MGAT5: variants seen among roughly 807,000 people sequenced by gnomAD.
The protein encoded by MGAT5 is alpha-1,6-mannosylglycoprotein 6-beta-N-acetylglucosaminyltransferase.
Under a neutral mutation model 94.3 loss-of-function variants are expected in MGAT5, and 30 were observed. That is an observed-to-expected ratio of 0.32 (90% CI 0.24 to 0.43). The LOEUF is 0.43. Among genes scored for constraint, MGAT5 ranks in the 20% least tolerant of loss-of-function variants. The pLI, the probability that MGAT5 is intolerant of heterozygous loss-of-function variation, is 1.00. For missense variants in MGAT5, 691 were observed against 905.5 expected (o/e 0.76, Z 3.04); for synonymous variants, 310 against 322.9 (o/e 0.96, Z 0.43).
At chr2:134,299,614 A>T (rs762926960) in intron 2 of MGAT5, among the ~76,000 whole-genome samples, 2 of 152,154 alleles carry the variant, frequency 1.3e-5, no homozygotes, top group Non-Finnish European at 2.9e-5. Context: ...GGTAGTTAAA[A>T]TCCCCTCTTC....
intron 14 of MGAT5, among the ~76,000 whole-genome samples, chr2:134,429,015 G>A (rs1049109385): frequency 2.0e-5 from 3 of 152,210 alleles, no homozygotes; most frequent in South Asian, 4.1e-4. Flanking sequence ...GGAGCCTGTT[G>A]CTATCATTTT....
chr2:134,277,685 T>C (rs2105693769), intron 2 of MGAT5, among the ~76,000 whole-genome samples: 1 of 152,356 alleles, frequency 6.6e-6, no homozygotes, highest in South Asian at 2.1e-4. Flanking sequence ...AAGTCAGTAC[T>C]GTATGAGCAT....
chr2:134,339,003 C>T lies in MGAT5; in HGVS notation c.807+583C>T, dbSNP rs573051782. Among the ~76,000 whole-genome samples the T allele has an allele frequency of 2.4e-3, 365 of 152,290 alleles. 2 individuals are homozygous for T. Among genetic ancestry groups the T allele is most frequent in the African/African-American group, 8.3e-3 (346 of 41,570 alleles). On this transcript the variant is annotated intron_variant, in intron 6 of 15. Coordinates refer to ENST00000281923, the MANE Select transcript of MGAT5 (RefSeq NM_002410.5). ...ATTTGATGGTCTGGCTTTAGATTAA[C>T]TGTTCTGTTCTGATTTCAGAACTGA... is the stretch of plus-strand genomic sequence containing the variant.
chr2:134,277,837 A>G (rs915705332), intron 2 of MGAT5, among the ~76,000 whole-genome samples: 5 of 152,228 alleles, frequency 3.3e-5, no homozygotes, highest in Non-Finnish European at 7.3e-5. Context: ...ATAATTTTGT[A>G]TATAGTGTTT....
rs576141328 is a variant in MGAT5, at chr2:134,342,990, G to A, written c.977+1231G>A. 9.9e-5 allele frequency among the ~76,000 whole-genome samples: 15 copies of A among 152,262 alleles called. No homozygotes were observed. In the East Asian group the frequency reaches 2.3e-3, roughly 23 times the overall value. On this transcript the variant is annotated intron_variant, in intron 7 of 15. Coordinates refer to ENST00000281923, the MANE Select transcript of MGAT5 (RefSeq NM_002410.5). The stretch of plus-strand genomic sequence containing the variant: ...CTGGGATTGCAGAAAACTGAGTATC[G>A]TTTGTCACTGTGTAGTGGGCACCTA...
At chr2:134,152,685 C>G (rs1687281365) in intron 1 of MGAT5, among the ~76,000 whole-genome samples, 1 of 152,196 alleles carries the variant, frequency 6.6e-6, no homozygotes, top group Admixed American at 6.5e-5. Flanking sequence ...AACGTGGTAA[C>G]TATGTTTGTC....
intron 10 of MGAT5, among the ~76,000 whole-genome samples, chr2:134,386,783 C>T (rs1278420720): frequency 6.6e-6 from 1 of 152,130 alleles, no homozygotes; most frequent in East Asian, 1.9e-4. Flanking sequence ...AAGTGAGATT[C>T]TGTTCATAAG....
At chr2:134,421,245 G>A (rs1164473161) in intron 12 of MGAT5, among the ~76,000 whole-genome samples, 2 of 152,148 alleles carry the variant, frequency 1.3e-5, no homozygotes, top group African/African-American at 4.8e-5. Flanking sequence ...TCATTTACAT[G>A]GTGATTATGT....
At chr2:134,124,092 A>G (rs1278882927) in intron 1 of MGAT5, among the ~76,000 whole-genome samples, 1 of 152,204 alleles carries the variant, frequency 6.6e-6, no homozygotes. Context: ...AGCATCTGCC[A>G]TGTGCTGTGC....
At chr2:134,273,783 G>T (rs1477102864) in intron 2 of MGAT5, among the ~76,000 whole-genome samples, 1 of 152,138 alleles carries the variant, frequency 6.6e-6, no homozygotes, top group Non-Finnish European at 1.5e-5. Flanking sequence ...AGGTGGAAAT[G>T]AGCTTTATTA....
At chr2:134,329,787 T>G (rs1212330046) in intron 4 of MGAT5, among the ~76,000 whole-genome samples, 1 of 152,052 alleles carries the variant, frequency 6.6e-6, no homozygotes, top group Non-Finnish European at 1.5e-5. Flanking sequence ...CCCAGCCCAC[T>G]CCCCCTACAC....
intron 10 of MGAT5, among the ~76,000 whole-genome samples, chr2:134,381,382 T>TTAGATAGATTAGATAGA: frequency 9.2e-6 from 1 of 108,576 alleles, no homozygotes; most frequent in Non-Finnish European, 2.0e-5. Flanking sequence ...ATAAGATAGA[T>TTAGATAGATTAGATAGA]TAGATAGATA....
At chr2:134,174,325 T>G (rs1688357268) in intron 1 of MGAT5, among the ~76,000 whole-genome samples, 1 of 152,236 alleles carries the variant, frequency 6.6e-6, no homozygotes, top group Non-Finnish European at 1.5e-5. Context: ...AAACACATAC[T>G]GCCAAAGAAA....
Position 134,254,382 on chromosome 2 carries a change from C to T in MGAT5, c.-22C>T, listed in dbSNP as rs749108316. 9 of 1,613,662 alleles carry T rather than the reference C, an allele frequency of 5.6e-6. No individual in the cohort carries two copies. The South Asian group carries it at 9.9e-5, about 18-fold the overall frequency. ...TCTTCTACGCGTTAAGAGCCAAGGA[C>T]AGGTGAAGTTGCCAGAGAGCAATGG... On this transcript the variant is annotated 5_prime_UTR_variant, in exon 1 of 16. Coordinates refer to ENST00000281923, the MANE Select transcript of MGAT5 (RefSeq NM_002410.5).
intron 2 of MGAT5, among the ~76,000 whole-genome samples, chr2:134,284,692 G>A (rs1394835886): frequency 6.6e-6 from 1 of 152,096 alleles, no homozygotes; most frequent in Non-Finnish European, 1.5e-5. Context: ...CTGCAGAACA[G>A]TTATCTCAAT....
intron 1 of MGAT5, among the ~76,000 whole-genome samples, chr2:134,187,657 C>T (rs1257175): frequency 0.38 from 57,770 of 152,122 alleles, 11,078 homozygotes; most frequent in Middle Eastern, 0.52. Flanking sequence ...CAGGCAGGGA[C>T]TTTGTCAACT....
intron 13 of MGAT5, among the ~76,000 whole-genome samples, chr2:134,423,836 G>A (rs1217390617): frequency 6.6e-6 from 1 of 150,756 alleles, no homozygotes; most frequent in Non-Finnish European, 1.5e-5. Flanking sequence ...TGTGTTTAGT[G>A]TTTAGTCAAT....
chr2:134,342,220 C>A (rs752157545), intron 7 of MGAT5, among the ~76,000 whole-genome samples: 4 of 152,148 alleles, frequency 2.6e-5, no homozygotes, highest in Non-Finnish European at 5.9e-5. Context: ...AATTAGCCAA[C>A]TTTCAGCTGA....
At chr2:134,176,159 G>C (rs1688454201) in intron 1 of MGAT5, among the ~76,000 whole-genome samples, 2 of 152,114 alleles carry the variant, frequency 1.3e-5, no homozygotes, top group African/African-American at 4.8e-5. Flanking sequence ...GGGGGTTGCT[G>C]GGCCAGAACA....
Sources: gnomAD v4.1 joint callset for allele counts (sites outside exome capture counted in the v4.1 genomes callset) on GRCh38, gnomAD v4.1.1 for gene constraint, MANE v1.5 for transcripts, NCBI Gene and HGNC (gene_info 2026-07-23, HGNC 2026-07-21) for gene names.